Variants in RAB43 observed in about 807,000 individuals in gnomAD.
RAB43 encodes the protein ras-related protein Rab-43.
Under a neutral mutation model 18.8 loss-of-function variants are expected in RAB43, and 6 were observed. That is an observed-to-expected ratio of 0.32 (90% confidence interval 0.17 to 0.63). The LOEUF is 0.63. RAB43 is among the 30% of genes least tolerant of loss of function. The pLI, the probability that RAB43 is intolerant of heterozygous loss-of-function variation, is 0.79. For synonymous variants in RAB43, 103 were observed against 124.1 expected, an observed-to-expected ratio of 0.83 and a Z score of 1.13; for missense variants, 195 against 289.1, an observed-to-expected ratio of 0.67 and a Z score of 2.36.
At chr3:129,121,201 G>T in intron 1 of RAB43, 85 bp downstream of exon 1, 1 of 1,238,660 alleles carries the variant, frequency 8.1e-7, no homozygotes, top group Non-Finnish European at 1.1e-6. Context: ...TGGACGCGGG[G>T]TGCGCTCGCC....
chr3:129,104,196 C>T (rs1934608161), intron 1 of RAB43, among the ~76,000 whole-genome samples: 1 of 152,214 alleles, frequency 6.6e-6, no homozygotes, highest in Admixed American at 6.5e-5. Context: ...GTGTTTTTCA[C>T]TGCCCAGGGG....
rs1576858026 is a variant in RAB43, at chr3:129,121,707, G to A, written c.-218C>T. On this transcript the variant is annotated 5_prime_UTR_variant, in exon 1 of 3. Coordinates refer to ENST00000315150, the MANE Select transcript of RAB43 (RefSeq NM_198490.3). ...GCCCCGGCCCGGCTCGGCCCCGCCC[G>A]GACCCGGTGCCCCGCGGGTTCGGCT... 1 of 237,396 alleles carries A rather than the reference G, an allele frequency of 4.2e-6. No individual in the cohort carries two copies. Among genetic ancestry groups the A allele is most frequent in the Non-Finnish European group, 6.9e-6 (1 of 144,914 alleles). 14.7% of individuals were successfully genotyped at this position (237,396 alleles called of 1,614,324 possible). A position where few individuals can be genotyped will look rare whatever the true frequency, so the allele number is the denominator to read the frequency against.
At chr3:129,115,758 T>C (rs1358861272) in intron 1 of RAB43, among the ~76,000 whole-genome samples, 1 of 150,654 alleles carries the variant, frequency 6.6e-6, no homozygotes, top group Non-Finnish European at 1.5e-5. Context: ...GAGGTGGAGG[T>C]TCCAGTGAGC....
intron 1 of RAB43, among the ~76,000 whole-genome samples, chr3:129,096,632 T>C (rs1934076224): frequency 6.6e-6 from 1 of 151,990 alleles, no homozygotes; most frequent in Non-Finnish European, 1.5e-5. Context: ...GTTTCAGAAA[T>C]AGGGAAAGAT....
Position 129,089,996 on chromosome 3 carries a change from C to T in RAB43, c.*1100G>A, listed in dbSNP as rs2107971058. The T allele has an allele frequency of 6.7e-6, 1 of 149,198 alleles. No homozygotes were observed. The highest frequency in any genetic ancestry group is 2.0e-4 in the East Asian group (1 of 4,958). 9.2% of individuals were successfully genotyped at this position (149,198 alleles called of 1,614,324 possible). ...CCCTGGCTCTTTTGTCACTGTGATA[C>T]CTCTGAGCCACATGCCCAGAGGACA... On this transcript the variant is annotated 3_prime_UTR_variant, in exon 3 of 3. Transcript: ENST00000315150.
chr3:129,117,698 A>T (rs1252273978), intron 1 of RAB43, among the ~76,000 whole-genome samples: 2 of 152,230 alleles, frequency 1.3e-5, no homozygotes, highest in Non-Finnish European at 2.9e-5. Context: ...CTGCATTTTT[A>T]TTAGATCCAT....
intron 1 of RAB43, among the ~76,000 whole-genome samples, chr3:129,103,424 C>T (rs1051890413): frequency 6.6e-6 from 1 of 152,180 alleles, no homozygotes; most frequent in African/African-American, 2.4e-5. Flanking sequence ...AGGTGGCAAC[C>T]CCAGGATCTG....
intron 1 of RAB43, among the ~76,000 whole-genome samples, chr3:129,099,412 A>T (rs1934275103): frequency 7.2e-6 from 1 of 138,448 alleles, no homozygotes; most frequent in Non-Finnish European, 1.5e-5. Flanking sequence ...TTTGAGACGG[A>T]GTTTCGCTCT....
At chr3:129,113,755 G>A (rs1224829060) in intron 1 of RAB43, among the ~76,000 whole-genome samples, 1 of 152,132 alleles carries the variant, frequency 6.6e-6, no homozygotes, top group Non-Finnish European at 1.5e-5. Context: ...GTGGCCAGGC[G>A]CAGTGGCTCA....
In RAB43 at chr3:129,107,545, C is replaced by T. The variant is rs1200564124; in HGVS notation, c.205-12376G>A. On this transcript the variant is annotated intron_variant, in intron 1 of 2. Transcript: ENST00000315150. The surrounding 1 kb of genome is among the most constrained non-coding windows in gnomAD (Gnocchi z 4.2). ...TGGGGTAATGAGGAAACCAAGGCAG[C>T]GTGCAGGAGCTCGCGGTGGGCACCG... 6.6e-6 allele frequency among the ~76,000 whole-genome samples: 1 copy of T among 152,114 alleles called. No homozygotes were observed.
intron 1 of RAB43, among the ~76,000 whole-genome samples, chr3:129,102,430 AC>A (rs1934478490): frequency 6.6e-6 from 1 of 152,032 alleles, no homozygotes; most frequent in Non-Finnish European, 1.5e-5. Flanking sequence ...GGAGATCGAG[AC>A]CGTCCTGGCT....
chr3:129,093,965 G>A (rs1392277605), intron 2 of RAB43, among the ~76,000 whole-genome samples: 1 of 152,220 alleles, frequency 6.6e-6, no homozygotes, highest in Non-Finnish European at 1.5e-5. Flanking sequence ...CTGTTGGGGT[G>A]AGGACCCCAG....
intron 1 of RAB43, among the ~76,000 whole-genome samples, chr3:129,111,853 T>C (rs1423328824): frequency 6.6e-6 from 1 of 152,154 alleles, no homozygotes; most frequent in African/African-American, 2.4e-5. Context: ...ATGACAGATA[T>C]TAACAATTCC....
chr3:129,119,849 G>A (rs1353807469), intron 1 of RAB43, among the ~76,000 whole-genome samples: 1 of 152,130 alleles, frequency 6.6e-6, no homozygotes. Context: ...TCCAGACACA[G>A]ACCGATAGCA....
intron 1 of RAB43, among the ~76,000 whole-genome samples, chr3:129,115,063 T>C (rs1190234591): frequency 6.6e-6 from 1 of 151,910 alleles, no homozygotes; most frequent in East Asian, 1.9e-4. Context: ...GCCAGGTCCT[T>C]AAGGGTAGGG....
chr3:129,110,895 A>AT (rs200345300), intron 1 of RAB43, among the ~76,000 whole-genome samples: 5,425 of 145,690 alleles, frequency 0.037, 146 homozygotes, highest in East Asian at 0.11. Flanking sequence ...CTCCATAAAG[A>AT]TTTTTTTTTT....
intron 1 of RAB43, among the ~76,000 whole-genome samples, chr3:129,110,576 C>T (rs928770782): frequency 1.3e-5 from 2 of 152,052 alleles, no homozygotes; most frequent in Non-Finnish European, 1.5e-5. Context: ...CGGTGGCTCA[C>T]GCCTGTAATC....
chr3:129,096,977 GT>G (rs1437385325), intron 1 of RAB43, among the ~76,000 whole-genome samples: 1 of 152,088 alleles, frequency 6.6e-6, no homozygotes, highest in African/African-American at 2.4e-5. Context: ...ACCAGGTGTG[GT>G]GGTGCACGCC....
At chr3:129,121,166 A>G (rs1365539332) in intron 1 of RAB43, 120 bp downstream of exon 1, 11 of 753,984 alleles carry the variant, frequency 1.5e-5, no homozygotes, top group African/African-American at 9.4e-5. Context: ...GGAAGGAAAA[A>G]GGGGAAGCCA....
Sources: allele counts gnomAD v4.1 joint callset (sites outside exome capture counted in the v4.1 genomes callset), GRCh38; gene constraint gnomAD v4.1.1; non-coding constraint Gnocchi (gnomAD v3.1); transcripts MANE v1.5; gene names NCBI Gene and HGNC (gene_info 2026-07-23, HGNC 2026-07-21).